CDH11: variants seen among roughly 807,000 people sequenced by gnomAD.
The protein encoded by CDH11 is cadherin-11.
CDH11 carries 11 observed loss-of-function variants against 67.8 expected under a neutral mutation model. The ratio of observed to expected loss-of-function variants is 0.16; its 90% CI spans 0.10 to 0.27. CDH11 has a LOEUF of 0.27. Among genes scored for constraint, CDH11 ranks in the 10% least tolerant of loss-of-function variants. The pLI is 1.00. For synonymous variants in CDH11, 419 were observed against 400.0 expected (o/e 1.05, Z -0.57); for missense variants, 847 against 1,031.2 (o/e 0.82, Z 2.45).
intron 11 of CDH11, among the ~76,000 whole-genome samples, chr16:64,953,417 G>C (rs1009075476): frequency 7.2e-5 from 11 of 151,906 alleles, no homozygotes; most frequent in Non-Finnish European, 1.6e-4. Flanking sequence ...CCAATTCTCT[G>C]TCCTTCACTG....
At chr16:65,104,675 T>C (rs538541304) in intron 1 of CDH11, among the ~76,000 whole-genome samples, 1 of 152,184 alleles carries the variant, frequency 6.6e-6, no homozygotes, top group Non-Finnish European at 1.5e-5. Flanking sequence ...TTCAGATTAG[T>C]CTTTTATGGC....
chr16:65,009,700 G>A (rs1403183365), intron 2 of CDH11, among the ~76,000 whole-genome samples: 1 of 152,196 alleles, frequency 6.6e-6, no homozygotes, highest in Non-Finnish European at 1.5e-5. Context: ...CTTTTTAGCA[G>A]TATGCCAGGA....
Position 64,945,784 on chromosome 16 carries a change from TAA to T in CDH11, c.*1817_*1818del. ...CTTTGTATGCATGTTGACTAAATCA[TAA>T]AAATAGTACATAACATGATATCAAG... On this transcript the variant is annotated 3_prime_UTR_variant, in exon 13 of 13. Transcript: ENST00000268603. 1 of 1,044,360 alleles carries T rather than the reference TAA, an allele frequency of 9.6e-7. No homozygotes were observed. The highest frequency in any genetic ancestry group is 1.2e-6 in the Non-Finnish European group (1 of 865,944). The allele number at this position is 1,044,360 out of a possible 1,614,324, so 64.7% of individuals were successfully genotyped here. A position where few individuals can be genotyped will look rare whatever the true frequency, so the allele number is the denominator to read the frequency against.
chr16:65,091,544 T>G (rs986070575), intron 1 of CDH11, among the ~76,000 whole-genome samples: 2 of 151,464 alleles, frequency 1.3e-5, no homozygotes, highest in Non-Finnish European at 2.9e-5. Flanking sequence ...CTCTATAGAT[T>G]AGGCCTTTCC....
intron 8 of CDH11, among the ~76,000 whole-genome samples, chr16:64,979,400 TC>T (rs749566375): frequency 1.3e-5 from 2 of 152,168 alleles, no homozygotes; most frequent in African/African-American, 2.4e-5. Context: ...TGAGCTGAGA[TC>T]GTGCCACTGC....
At chr16:64,970,438 T>G (rs543837670) in intron 11 of CDH11, among the ~76,000 whole-genome samples, 1 of 152,242 alleles carries the variant, frequency 6.6e-6, no homozygotes, top group Non-Finnish European at 1.5e-5. Context: ...TTTATTTGGT[T>G]GATTGATTTG....
At chr16:64,955,745 T>C (rs1001859262) in intron 11 of CDH11, among the ~76,000 whole-genome samples, 3 of 151,722 alleles carry the variant, frequency 2.0e-5, no homozygotes, top group African/African-American at 7.3e-5. Flanking sequence ...ACCCTGTCTC[T>C]AAAAAGAAGG....
chr16:65,041,854 G>A (rs761332111), intron 2 of CDH11, among the ~76,000 whole-genome samples: 29 of 152,204 alleles, frequency 1.9e-4, no homozygotes, highest in Non-Finnish European at 3.1e-4. Flanking sequence ...TAATGCACGG[G>A]CAGGGAAACC....
chr16:65,029,039 A>G (rs1229038318), intron 2 of CDH11, among the ~76,000 whole-genome samples: 1 of 152,194 alleles, frequency 6.6e-6, no homozygotes, highest in Admixed American at 6.5e-5. Context: ...ATAGTAAACA[A>G]TACTGCACTG....
At chr16:64,956,118 A>C (rs1161490980) in intron 11 of CDH11, among the ~76,000 whole-genome samples, 2 of 152,356 alleles carry the variant, frequency 1.3e-5, no homozygotes, top group East Asian at 3.9e-4. Flanking sequence ...GATTCTAAGA[A>C]GCAAAAAACT....
At chr16:64,960,532 C>T (rs1343813864) in intron 11 of CDH11, among the ~76,000 whole-genome samples, 1 of 151,912 alleles carries the variant, frequency 6.6e-6, no homozygotes, top group Non-Finnish European at 1.5e-5. Flanking sequence ...ACAAGGCAGC[C>T]CAAATGTTCT....
At chr16:64,973,445 A>T (rs540163819) in intron 8 of CDH11, among the ~76,000 whole-genome samples, 4 of 152,328 alleles carry the variant, frequency 2.6e-5, no homozygotes, top group African/African-American at 9.6e-5. Flanking sequence ...TGAAATTTTA[A>T]ATCCGTTCAA....
At chr16:65,078,904 C>G (rs1334824122) in intron 1 of CDH11, among the ~76,000 whole-genome samples, 1 of 152,192 alleles carries the variant, frequency 6.6e-6, no homozygotes, top group African/African-American at 2.4e-5. Context: ...TATAATCCAG[C>G]TGTTTTTGTC....
At chr16:65,050,237 CTAAG>C (rs1426313953) in intron 2 of CDH11, among the ~76,000 whole-genome samples, 3 of 152,158 alleles carry the variant, frequency 2.0e-5, no homozygotes, top group Admixed American at 6.5e-5. Flanking sequence ...TCCTCTGTTC[CTAAG>C]TAAGACATGT....
intron 6 of CDH11, among the ~76,000 whole-genome samples, chr16:64,990,583 T>C (rs1235445150): frequency 1.6e-5 from 2 of 121,834 alleles, no homozygotes; most frequent in African/African-American, 5.7e-5. Flanking sequence ...GTTCAAACTC[T>C]GACTTTGCCA....
intron 2 of CDH11, among the ~76,000 whole-genome samples, chr16:65,006,443 T>C (rs983864486): frequency 2.6e-5 from 4 of 152,150 alleles, no homozygotes; most frequent in Non-Finnish European, 5.9e-5. Flanking sequence ...GACTTGGAGA[T>C]CAGATGCATC....
intron 1 of CDH11, among the ~76,000 whole-genome samples, chr16:65,060,377 T>A (rs905104959): frequency 5.7e-4 from 87 of 151,552 alleles, no homozygotes; most frequent in Admixed American, 8.5e-4. Context: ...AGAGAGACTA[T>A]ATTATTAACA....
At chr16:64,950,381 T>G (rs1398837574) in intron 12 of CDH11, among the ~76,000 whole-genome samples, 1 of 152,154 alleles carries the variant, frequency 6.6e-6, no homozygotes, top group East Asian at 1.9e-4. Context: ...TTCTTTCTCT[T>G]GTGGGACAAA....
At chr16:65,112,543 G>A (rs536059905) in intron 1 of CDH11, among the ~76,000 whole-genome samples, 57 of 152,236 alleles carry the variant, frequency 3.7e-4, no homozygotes, top group African/African-American at 1.3e-3. Context: ...GCTCTCTGAA[G>A]GGAAGCCCTC....
Sources: gnomAD v4.1 joint callset for allele counts (sites outside exome capture counted in the v4.1 genomes callset) on GRCh38, gnomAD v4.1.1 for gene constraint, MANE v1.5 for transcripts, NCBI Gene and HGNC (gene_info 2026-07-23, HGNC 2026-07-21) for gene names.